The following MACROD2 variants were observed in gnomAD, a reference collection of about 807,000 sequenced individuals.
MACROD2 encodes ADP-ribose glycohydrolase MACROD2.
Under a neutral mutation model 70.4 loss-of-function variants are expected in MACROD2, and 36 were observed. The ratio of observed to expected loss-of-function variants is 0.51; its 90% CI spans 0.39 to 0.68. The LOEUF (loss-of-function observed/expected upper bound fraction) is 0.68, where lower values mean the gene tolerates loss of function less well. Among genes scored for constraint, MACROD2 ranks in the 30% least tolerant of loss-of-function variants. The probability of loss-of-function intolerance (pLI) is 0.00; values close to 1 mark genes in which losing one functional copy is unlikely to be tolerated. For missense variants in MACROD2, 496 were observed against 538.4 expected (o/e 0.92, Z 0.78); for synonymous variants, 172 against 178.8 (o/e 0.96, Z 0.30).
At chr20:14,658,385 A>G (rs983733059) in intron 4 of MACROD2, among the ~76,000 whole-genome samples, 7 of 152,186 alleles carry the variant, frequency 4.6e-5, no homozygotes, top group African/African-American at 1.7e-4. Flanking sequence ...AAGACCAGGA[A>G]TGGAAGAAGA....
chr20:14,719,473 G>GAAAA (rs11087105), intron 5 of MACROD2, among the ~76,000 whole-genome samples: 4 of 136,306 alleles, frequency 2.9e-5, no homozygotes, highest in Admixed American at 1.5e-4. Flanking sequence ...AAGATAGAAA[G>GAAAA]AAAAAAAAAA....
At chr20:15,754,040 AAGAG>A (rs1286356229) in intron 8 of MACROD2, among the ~76,000 whole-genome samples, 1 of 152,180 alleles carries the variant, frequency 6.6e-6, no homozygotes, top group African/African-American at 2.4e-5. Context: ...AAAATGTAAA[AAGAG>A]AGAAGATATG....
At chr20:15,557,149 C>T (rs971360940) in intron 8 of MACROD2, among the ~76,000 whole-genome samples, 1 of 151,366 alleles carries the variant, frequency 6.6e-6, no homozygotes, top group Non-Finnish European at 1.5e-5. Flanking sequence ...CTCTGCATTT[C>T]TTCATTCAAA....
chr20:15,152,632 G>A (rs2076279329), intron 5 of MACROD2, among the ~76,000 whole-genome samples: 1 of 111,386 alleles, frequency 9.0e-6, no homozygotes, highest in Non-Finnish European at 2.0e-5. Flanking sequence ...GAAAAGCGGA[G>A]AAGGGGTAGA....
chr20:15,373,288 C>T (rs890952535), intron 6 of MACROD2, among the ~76,000 whole-genome samples: 1 of 152,068 alleles, frequency 6.6e-6, no homozygotes, highest in Admixed American at 6.6e-5. Flanking sequence ...AGTTTTATAA[C>T]CTTGATGTCT....
At chr20:14,862,715 A>AT (rs34596604) in intron 5 of MACROD2, among the ~76,000 whole-genome samples, 1,725 of 63,346 alleles carry the variant, frequency 0.027, 223 homozygotes, top group African/African-American at 0.11. Context: ...ATATATATAT[A>AT]TTTTTTTTTA....
chr20:14,141,629 C>G (rs2054874753), intron 3 of MACROD2, among the ~76,000 whole-genome samples: 1 of 151,492 alleles, frequency 6.6e-6, no homozygotes, highest in Admixed American at 6.6e-5. Context: ...CCCGTAATCC[C>G]AGCTACTCGG....
chr20:15,548,690 G>A (rs1485581414), intron 8 of MACROD2, among the ~76,000 whole-genome samples: 2 of 152,090 alleles, frequency 1.3e-5, no homozygotes, highest in Admixed American at 6.6e-5. Context: ...CACTGCACCC[G>A]GCCAGTGATG....
chr20:14,960,480 T>G (rs937214853), intron 5 of MACROD2, among the ~76,000 whole-genome samples: 1 of 152,234 alleles, frequency 6.6e-6, no homozygotes, highest in Non-Finnish European at 1.5e-5. Context: ...ACAGCATATC[T>G]GTGCTATAGA....
At chr20:15,486,281 T>C (rs972827786) in intron 7 of MACROD2, among the ~76,000 whole-genome samples, 8 of 152,284 alleles carry the variant, frequency 5.3e-5, no homozygotes, top group African/African-American at 1.4e-4. Context: ...CTGTGGCACA[T>C]TGAAGAGCAT....
chr20:14,239,461 T>A (rs2081909926), intron 3 of MACROD2, among the ~76,000 whole-genome samples: 1 of 152,122 alleles, frequency 6.6e-6, no homozygotes, highest in South Asian at 2.1e-4. Context: ...TTTCTACCTA[T>A]CTTTAAACTA....
chr20:14,649,909 G>T (rs1006960721), intron 4 of MACROD2, among the ~76,000 whole-genome samples: 3 of 152,144 alleles, frequency 2.0e-5, no homozygotes, highest in Non-Finnish European at 4.4e-5. Context: ...CTCAGTTCTT[G>T]ACTCTGGATC....
intron 6 of MACROD2, among the ~76,000 whole-genome samples, chr20:15,354,346 G>A (rs1405375648): frequency 6.6e-6 from 1 of 152,016 alleles, no homozygotes; most frequent in Non-Finnish European, 1.5e-5. Context: ...ACCGGGGCCT[G>A]TTGTGGGGTG....
intron 8 of MACROD2, among the ~76,000 whole-genome samples, chr20:15,622,553 A>G (rs1216317821): frequency 1.3e-5 from 2 of 152,106 alleles, no homozygotes; most frequent in Non-Finnish European, 2.9e-5. Flanking sequence ...GTGTGGATAC[A>G]CTGGACACAG....
chr20:14,006,954 G>C lies in MACROD2; in HGVS notation c.163+4550G>C, dbSNP rs182285782. ...GTACATCTTTTTGCATCATATCACA[G>C]GGCACATAATGCGTCATTGTCTCCC... On this transcript the variant is annotated intron_variant, in intron 2 of 17. Coordinates refer to ENST00000684519, the MANE Select transcript of MACROD2 (RefSeq NM_001351661.2). Among the ~76,000 whole-genome samples, 68 of 152,126 alleles carry C rather than the reference G, an allele frequency of 4.5e-4. 1 individual carries two copies. In the East Asian group the frequency reaches 0.01, roughly 23 times the overall value.
At chr20:15,619,986 A>G (rs889079285) in intron 8 of MACROD2, among the ~76,000 whole-genome samples, 3 of 152,022 alleles carry the variant, frequency 2.0e-5, no homozygotes, top group Non-Finnish European at 4.4e-5. Flanking sequence ...CGTGGTCTAA[A>G]CGAATCTTCA....
At chr20:15,811,765 G>T (rs2063824360) in intron 8 of MACROD2, among the ~76,000 whole-genome samples, 1 of 152,088 alleles carries the variant, frequency 6.6e-6, no homozygotes, top group East Asian at 1.9e-4. Context: ...AAATAGAGAT[G>T]GTATCTAATC....
At chr20:14,317,701 A>C (rs1293636613) in intron 3 of MACROD2, among the ~76,000 whole-genome samples, 1 of 151,720 alleles carries the variant, frequency 6.6e-6, no homozygotes, top group Non-Finnish European at 1.5e-5. Context: ...TGTACACCCA[A>C]CTCCAGCCAC....
chr20:14,423,418 G>C (rs1005381198), intron 3 of MACROD2, among the ~76,000 whole-genome samples: 3 of 151,652 alleles, frequency 2.0e-5, no homozygotes, highest in Non-Finnish European at 4.4e-5. Flanking sequence ...AACTTGATGC[G>C]GCCTGGAGCG....
Sources: allele counts gnomAD v4.1 joint callset (sites outside exome capture counted in the v4.1 genomes callset), GRCh38; gene constraint gnomAD v4.1.1; transcripts MANE v1.5; gene names NCBI Gene and HGNC (gene_info 2026-07-23, HGNC 2026-07-21).